SEMA3A: variants seen among roughly 807,000 people sequenced by gnomAD.
SEMA3A encodes the protein semaphorin-3A.
Under a neutral mutation model 97.9 loss-of-function variants are expected in SEMA3A, and 29 were observed. The observed-to-expected ratio is 0.30, with a 90% CI of 0.22 to 0.40. The LOEUF is 0.40. SEMA3A is among the 10% of genes least tolerant of loss of function. The pLI is 1.00. For missense variants in SEMA3A, 763 were observed against 951.3 expected (o/e 0.80, Z 2.60); for synonymous variants, 321 against 323.7 (o/e 0.99, Z 0.09).
At chr7:84,203,528 T>TA (rs1798412012) in intron 3 of SEMA3A, among the ~76,000 whole-genome samples, 123 of 37,922 alleles carry the variant, frequency 3.2e-3, no homozygotes, top group African/African-American at 9.8e-3. Flanking sequence ...ATATATATAT[T>TA]TTTTTTTTTT....
intron 2 of SEMA3A, among the ~76,000 whole-genome samples, chr7:84,133,097 A>T (rs1442959054): frequency 6.6e-6 from 1 of 152,192 alleles, no homozygotes; most frequent in African/African-American, 2.4e-5. Flanking sequence ...AAACAAATGA[A>T]TAACCAGTAT....
chr7:84,061,617 T>TATA (rs1793218497), intron 4 of SEMA3A, among the ~76,000 whole-genome samples: 1 of 152,240 alleles, frequency 6.6e-6, no homozygotes, highest in African/African-American at 2.4e-5. Context: ...ACCATCTTGG[T>TATA]ATATTAAATG....
At chr7:84,218,021 T>C (rs1440878782) in intron 3 of SEMA3A, among the ~76,000 whole-genome samples, 1 of 152,048 alleles carries the variant, frequency 6.6e-6, no homozygotes, top group Non-Finnish European at 1.5e-5. Flanking sequence ...AATTCTCTCA[T>C]ACAAGGTTAA....
intron 1 of SEMA3A, among the ~76,000 whole-genome samples, chr7:84,167,183 C>G (rs1218602078): frequency 6.6e-6 from 1 of 151,668 alleles, no homozygotes; most frequent in Non-Finnish European, 1.5e-5. Context: ...GGATTGAACC[C>G]TAGAAAGGTC....
At chr7:83,989,603 T>G (rs1341621667) in intron 12 of SEMA3A, among the ~76,000 whole-genome samples, 22 of 131,588 alleles carry the variant, frequency 1.7e-4, no homozygotes, top group African/African-American at 5.6e-4. Flanking sequence ...TTACTGAGAA[T>G]GATGATTTCC....
intron 3 of SEMA3A, among the ~76,000 whole-genome samples, chr7:84,305,558 T>G (rs1801134231): frequency 6.6e-6 from 1 of 152,046 alleles, no homozygotes; most frequent in African/African-American, 2.4e-5. Context: ...CCATATGAGC[T>G]CTTGATGTTT....
rs140310923 is a variant in SEMA3A, at chr7:83,996,182, C to T, written c.1452+5773G>A. On this transcript the variant is annotated intron_variant, in intron 12 of 16. Transcript: ENST00000265362. ...AAAATAAAAATCAGCATAAGTTAGGCTTTTATATCTTCTGAGTATTTTTAT... is the reference window on the plus strand; with the variant it reads ...AAAATAAAAATCAGCATAAGTTAGGTTTTTATATCTTCTGAGTATTTTTAT... Among the ~76,000 whole-genome samples, 221 of 151,668 alleles carry T rather than the reference C, an allele frequency of 1.5e-3. 5 individuals are homozygous for T. In the East Asian group the frequency reaches 0.041, roughly 28 times the overall value.
At chr7:84,459,890 G>C (rs190193663) in intron 1 of SEMA3A, among the ~76,000 whole-genome samples, 1 of 152,054 alleles carries the variant, frequency 6.6e-6, no homozygotes, top group African/African-American at 2.4e-5. Context: ...AGCCAGACAT[G>C]GTGGCGCATG....
chr7:84,342,112 C>T (rs547285936), intron 2 of SEMA3A, among the ~76,000 whole-genome samples: 14 of 152,116 alleles, frequency 9.2e-5, no homozygotes, highest in East Asian at 3.9e-4. Flanking sequence ...CTTGGCTCAC[C>T]GCAAGCTTCG....
chr7:84,029,851 A>G (rs1204083476), intron 6 of SEMA3A, among the ~76,000 whole-genome samples: 6 of 151,280 alleles, frequency 4.0e-5, no homozygotes, highest in African/African-American at 7.3e-5. Context: ...TTTAGAAAGT[A>G]GTAATTTGGA....
chr7:84,457,316 A>C (rs899825488), intron 1 of SEMA3A, among the ~76,000 whole-genome samples: 3 of 151,884 alleles, frequency 2.0e-5, no homozygotes, highest in African/African-American at 7.2e-5. Context: ...TCAGTTTTGC[A>C]GCTCCTGTGC....
chr7:83,986,774 G>A (rs1789648967), intron 12 of SEMA3A, among the ~76,000 whole-genome samples: 1 of 152,120 alleles, frequency 6.6e-6, no homozygotes, highest in Non-Finnish European at 1.5e-5. Flanking sequence ...ATTCAAATCT[G>A]GCCAGAAATG....
chr7:84,185,199 C>T (rs1797841706), intron 1 of SEMA3A, among the ~76,000 whole-genome samples: 1 of 152,094 alleles, frequency 6.6e-6, no homozygotes, highest in South Asian at 2.1e-4. Context: ...ATTTCTTTAT[C>T]TATATACAAT....
At chr7:84,425,653 T>C (rs1481083781) in intron 1 of SEMA3A, among the ~76,000 whole-genome samples, 2 of 147,874 alleles carry the variant, frequency 1.4e-5, no homozygotes, top group Non-Finnish European at 3.0e-5. Flanking sequence ...AATATATATA[T>C]GCCTGGTTGT....
At chr7:84,051,689 G>A (rs916913314) in intron 5 of SEMA3A, among the ~76,000 whole-genome samples, 2 of 152,026 alleles carry the variant, frequency 1.3e-5, no homozygotes, top group South Asian at 2.1e-4. Flanking sequence ...TTTCCTAATT[G>A]AATACCCTTT....
intron 2 of SEMA3A, among the ~76,000 whole-genome samples, chr7:84,131,715 T>A (rs1795966026): frequency 6.6e-6 from 1 of 152,204 alleles, no homozygotes; most frequent in African/African-American, 2.4e-5. Context: ...ATTTGAACAT[T>A]ACATATACAT....
intron 2 of SEMA3A, among the ~76,000 whole-genome samples, chr7:84,365,971 A>G (rs1208760121): frequency 6.6e-6 from 1 of 151,474 alleles, no homozygotes; most frequent in African/African-American, 2.4e-5. Context: ...TTATGAAAAC[A>G]TAAACTAAAA....
intron 12 of SEMA3A, among the ~76,000 whole-genome samples, chr7:83,993,114 G>GT (rs928473058): frequency 5.6e-5 from 8 of 143,784 alleles, no homozygotes; most frequent in African/African-American, 2.1e-4. Context: ...TTTCAAGTCT[G>GT]TTTTATCAGA....
At chr7:83,980,623 A>AAATATATATATAT (rs1310318006) in intron 14 of SEMA3A, among the ~76,000 whole-genome samples, 2 of 71,762 alleles carry the variant, frequency 2.8e-5, no homozygotes, top group Admixed American at 1.6e-4. Context: ...AAAAAAAAAA[A>AAATATATATATAT]ATATATATAT....
Sources: allele counts gnomAD v4.1 joint callset (sites outside exome capture counted in the v4.1 genomes callset), GRCh38; gene constraint gnomAD v4.1.1; transcripts MANE v1.5; gene names NCBI Gene and HGNC (gene_info 2026-07-23, HGNC 2026-07-21).